The following HDC variants were observed in gnomAD, a reference collection of about 807,000 sequenced individuals.
The protein encoded by HDC is histidine decarboxylase.
A neutral mutation model predicts 64.4 loss-of-function variants in HDC; 27 were observed. The observed-to-expected ratio is 0.42, with a 90% CI of 0.31 to 0.58. The LOEUF (loss-of-function observed/expected upper bound fraction) is 0.58, where lower values mean the gene tolerates loss of function less well. Ranked by LOEUF, HDC falls within the 20% of genes least tolerant of loss-of-function variation. The pLI, the probability that HDC is intolerant of heterozygous loss-of-function variation, is 0.16. For synonymous variants in HDC, 305 were observed against 314.2 expected (o/e 0.97, Z 0.31); for missense variants, 711 against 833.9 (o/e 0.85, Z 1.81).
At chr15:50,262,048 G>A (rs962918052) in intron 2 of HDC, among the ~76,000 whole-genome samples, 1 of 152,042 alleles carries the variant, frequency 6.6e-6, no homozygotes, top group Non-Finnish European at 1.5e-5. Context: ...TGGGAATGAT[G>A]AAGGCAAACC....
chr15:50,253,405 G>C (rs769730311), intron 7 of HDC, 195 bp downstream of exon 7: 1 of 660,378 alleles, frequency 1.5e-6, no homozygotes, highest in Non-Finnish European at 2.8e-6. Flanking sequence ...TCTAACTCTT[G>C]TCACACCACT....
At chr15:50,245,389 A>AGATGAG (rs1042713922) in intron 10 of HDC, among the ~76,000 whole-genome samples, 1 of 152,066 alleles carries the variant, frequency 6.6e-6, no homozygotes, top group African/African-American at 2.4e-5. Context: ...AGGTGATAGG[A>AGATGAG]GATGAGGATG....
At position 50,262,041 on chromosome 15, in the gene HDC, G is replaced by A. The variant is rs1595712096; in HGVS notation, c.204+1194C>T. On this transcript the variant is annotated intron_variant, in intron 2 of 11. Transcript: ENST00000267845. The stretch of plus-strand genomic sequence containing the variant: ...CACATTGAAGTCAAAAGTTCTTTGG[G>A]AATGATGAAGGCAAACCTCAAGCTG... Among the ~76,000 whole-genome samples the A allele has an allele frequency of 4.6e-5, 7 of 152,162 alleles. No homozygotes were observed. The South Asian group carries it at 1.5e-3, about 32-fold the overall frequency.
chr15:50,248,251 G>C lies in HDC; in HGVS notation c.1134C>G (p.Val378=). Reference sequence around the variant, plus strand: ...ACAGCAGCATGCTACATACATGTCTGACATGTGCTTGAAGATTCTTCACCC... The same window carrying C: ...ACAGCAGCATGCTACATACATGTCTCACATGTGCTTGAAGATTCTTCACCC... ...SFGVKNLQAH[V]RHGTEMAKYF... The change falls in exon 10 of 12, where the codon GTC becomes GTG. Residue 378 remains valine, a synonymous_variant. Transcript: ENST00000267845. The surrounding 1 kb of genome is among the most constrained non-coding windows in gnomAD (Gnocchi z 4.3). The C allele has an allele frequency of 6.2e-7, 1 of 1,608,096 alleles. No homozygotes were observed. The highest frequency in any genetic ancestry group is 8.5e-7 in the Non-Finnish European group (1 of 1,174,474).
chr15:50,245,954 A>T (rs960066609), intron 10 of HDC, among the ~76,000 whole-genome samples: 4 of 152,238 alleles, frequency 2.6e-5, no homozygotes, highest in African/African-American at 9.6e-5. Flanking sequence ...AATTTGTCTA[A>T]GGTCATCAAA....
Position 50,254,776 on chromosome 15 carries a change from C to CTCTGTG in HDC, c.442-113_442-112insCACAGA, listed in dbSNP as rs542486289. ...TCTCTCTCTCTCTCTCTCTCTCTCTCTGTGTGTGTATGTGTTTGTGTATGT... is the reference window on the plus strand; with the variant it reads ...TCTCTCTCTCTCTCTCTCTCTCTCTCTCTGTGTGTGTGTGTATGTGTTTGTGTATGT... On this transcript the variant is annotated intron_variant, in intron 4 of 11. Transcript: ENST00000267845. 6.6e-4 allele frequency: 542 copies of CTCTGTG among 826,268 alleles called. 3 individuals are homozygous for CTCTGTG. In the African/African-American group the frequency reaches 8.7e-3, roughly 13 times the overall value. The allele number at this position is 826,268 out of a possible 1,614,324, so 51.2% of individuals were successfully genotyped here.
rs147511895 is a variant in HDC, at chr15:50,252,713, G to A, written c.849C>T (p.Cys283=). The stretch of plus-strand genomic sequence containing the variant: ...CCTTCAGAAACCCCCGGAACTCGGG[G>A]CACAGGAAGGCAGTGCCTGCATAAG... The part of the protein sequence containing the change: ...DAAYAGTAFL[C]PEFRGFLKGI... The change falls in exon 8 of 12, where the codon TGC becomes TGT. Residue 283 remains cysteine, a synonymous_variant. Transcript: ENST00000267845. 7.4e-6 allele frequency: 12 copies of A among 1,614,024 alleles called. No individual in the cohort carries two copies. The African/African-American group carries it at 1.2e-4, about 16-fold the overall frequency.
At chr15:50,254,422 G>C in intron 5 of HDC, 108 bp downstream of exon 5, 2 of 1,541,486 alleles carry the variant, frequency 1.3e-6, no homozygotes, top group Non-Finnish European at 1.8e-6. Flanking sequence ...CCATGTCTGA[G>C]CTGCTCAGAA....
intron 7 of HDC, chr15:50,253,081 A>G: frequency 2.1e-6 from 1 of 474,934 alleles, no homozygotes; most frequent in Non-Finnish European, 3.9e-6. Flanking sequence ...TCCCACCAGC[A>G]CAGAGAGCAA....
chr15:50,254,673 GA>G lies in HDC; in HGVS notation c.442-10del. The G allele has an allele frequency of 6.2e-7, 1 of 1,613,744 alleles. No homozygotes were observed. On this transcript the variant is annotated splice_polypyrimidine_tract_variant and intron_variant, in intron 4 of 11. Coordinates refer to ENST00000267845, the MANE Select transcript of HDC (RefSeq NM_002112.4). ...GATTCACTGACCGTGCTCTGCAGGG[GA>G]AAAGGATTATCATGGCAGCCTTTCT...
chr15:50,256,732 C>T (rs1017315560), intron 4 of HDC, among the ~76,000 whole-genome samples: 1 of 152,156 alleles, frequency 6.6e-6, no homozygotes, highest in Non-Finnish European at 1.5e-5. Context: ...TGCATATACT[C>T]TTTGAGGGAA....
At chr15:50,263,534 G>A (rs879118840) in intron 1 of HDC, 127 bp from the exon 2 acceptor site, 254 of 847,168 alleles carry the variant, frequency 3.0e-4, no homozygotes, top group Middle Eastern at 1.7e-3. Flanking sequence ...GGGCACAGTG[G>A]CTCATGCCTG....
chr15:50,253,068 AT>A (rs1262066018), intron 7 of HDC: 4 of 490,456 alleles, frequency 8.2e-6, no homozygotes, highest in South Asian at 6.4e-5. Context: ...ACAGAAATCA[AT>A]TTCCCACCAG....
At chr15:50,259,561 G>T (rs973465665) in intron 2 of HDC, among the ~76,000 whole-genome samples, 3 of 152,150 alleles carry the variant, frequency 2.0e-5, no homozygotes, top group South Asian at 2.1e-4. Context: ...AGCATGCCCT[G>T]TTCCTTTCTG....
chr15:50,261,783 C>G (rs918763728), intron 2 of HDC, among the ~76,000 whole-genome samples: 3 of 151,328 alleles, frequency 2.0e-5, no homozygotes, highest in African/African-American at 7.3e-5. Context: ...TATCTCAGCT[C>G]ACCGCAACCT....
intron 9 of HDC, among the ~76,000 whole-genome samples, chr15:50,249,086 A>C (rs2045520364): frequency 6.6e-6 from 1 of 152,214 alleles, no homozygotes; most frequent in Non-Finnish European, 1.5e-5. Flanking sequence ...GTGATCTGAG[A>C]GCCATCACTC....
rs189438994 is a variant in HDC, at chr15:50,262,714, C to T, written c.204+521G>A. The stretch of plus-strand genomic sequence containing the variant: ...GGACAGGAGGGGTTGCCAGGGCCCA[C>T]TCAGTTTCCTGGGCCAACGCAACCT... On this transcript the variant is annotated intron_variant, in intron 2 of 11. Transcript: ENST00000267845. Among the ~76,000 whole-genome samples, 196 of 152,342 alleles carry T rather than the reference C, an allele frequency of 1.3e-3. 1 individual carries two copies. The highest frequency in any genetic ancestry group is 1.2e-3 in the Non-Finnish European group (83 of 68,022).
chr15:50,253,265 T>C (rs2045582556), intron 7 of HDC: 1 of 408,432 alleles, frequency 2.4e-6, no homozygotes, highest in East Asian at 5.3e-5. Context: ...GCATTTCTAT[T>C]CTAGCCTAAT....
intron 7 of HDC, chr15:50,253,394 C>G: frequency 1.6e-6 from 1 of 644,766 alleles, no homozygotes; most frequent in Non-Finnish European, 2.8e-6. Flanking sequence ...GGTAGGCCAC[C>G]TCTAACTCTT....
Sources: gnomAD v4.1 joint callset for allele counts (sites outside exome capture counted in the v4.1 genomes callset) on GRCh38, gnomAD v4.1.1 for gene constraint, Gnocchi (gnomAD v3.1) non-coding constraint, MANE v1.5 for transcripts, NCBI Gene and HGNC (gene_info 2026-07-23, HGNC 2026-07-21) for gene names.